The following SLC12A2 variants were observed in gnomAD, a reference collection of about 807,000 sequenced individuals.
The protein encoded by SLC12A2 is Na-K-2Cl cotransporter 1.
A neutral mutation model predicts 136.3 loss-of-function variants in SLC12A2; 67 were observed. The observed-to-expected ratio is 0.49, with a 90% confidence interval of 0.40 to 0.60. The LOEUF is 0.60. Among genes scored for constraint, SLC12A2 ranks in the 20% least tolerant of loss-of-function variants. The probability of loss-of-function intolerance (pLI) is 0.00; values close to 1 mark genes in which losing one functional copy is unlikely to be tolerated. For missense variants in SLC12A2, 1,322 were observed against 1,534.7 expected (o/e 0.86, Z 2.32); for synonymous variants, 619 against 562.9 (o/e 1.10, Z -1.41).
At chr5:128,159,207 A>G (rs1303137916) in intron 16 of SLC12A2, among the ~76,000 whole-genome samples, 2 of 151,882 alleles carry the variant, frequency 1.3e-5, no homozygotes, top group South Asian at 2.1e-4. Context: ...TATTTTTCTC[A>G]CTAATATGTC....
chr5:128,167,915 AT>A, intron 18 of SLC12A2, 48 bp downstream of exon 18: 1 of 1,149,440 alleles, frequency 8.7e-7, no homozygotes, highest in Non-Finnish European at 1.2e-6. Context: ...GAAAATGTTA[AT>A]TTTGAAAGCT....
chr5:128,131,537 CAAAA>C (rs33967323), intron 5 of SLC12A2, among the ~76,000 whole-genome samples: 2 of 136,022 alleles, frequency 1.5e-5, no homozygotes, highest in South Asian at 2.4e-4. Context: ...ACTACAAATA[CAAAA>C]AAAAAAAAAA....
At chr5:128,086,772 A>G (rs1313736162) in intron 1 of SLC12A2, among the ~76,000 whole-genome samples, 1 of 152,176 alleles carries the variant, frequency 6.6e-6, no homozygotes, top group African/African-American at 2.4e-5. Context: ...AAATATGACT[A>G]TACATCACTG....
At chr5:128,156,179 C>G (rs1288275950) in intron 15 of SLC12A2, among the ~76,000 whole-genome samples, 1 of 152,094 alleles carries the variant, frequency 6.6e-6, no homozygotes, top group Admixed American at 6.6e-5. Flanking sequence ...CCTACTGTTC[C>G]TAACTCCTAG....
intron 1 of SLC12A2, chr5:128,109,564 T>A: frequency 2.8e-6 from 2 of 702,030 alleles, no homozygotes; most frequent in Non-Finnish European, 5.3e-6. Context: ...GGCAGCTGAG[T>A]CCGGAGAAGA....
intron 1 of SLC12A2, among the ~76,000 whole-genome samples, chr5:128,085,431 C>T (rs960908410): frequency 2.0e-5 from 3 of 152,036 alleles, no homozygotes; most frequent in Non-Finnish European, 1.5e-5. Flanking sequence ...CCAGAAAGAC[C>T]TGTGGGGTCT....
At chr5:128,170,921 C>A (rs1763353328) in intron 18 of SLC12A2, 1 of 152,042 alleles carries the variant, frequency 6.6e-6, no homozygotes, top group East Asian at 1.9e-4. Context: ...TGTGGTGAAA[C>A]CCTGTCTCTA....
intron 1 of SLC12A2, among the ~76,000 whole-genome samples, chr5:128,103,417 C>G (rs1056916094): frequency 1.3e-5 from 2 of 152,174 alleles, no homozygotes; most frequent in Non-Finnish European, 2.9e-5. Context: ...ACTCATTTTG[C>G]TCTACTATTT....
At chr5:128,100,681 C>A (rs1760711727) in intron 1 of SLC12A2, among the ~76,000 whole-genome samples, 2 of 151,998 alleles carry the variant, frequency 1.3e-5, no homozygotes, top group Non-Finnish European at 2.9e-5. Context: ...ACTGCTTTTC[C>A]AGTGTTTTAC....
At chr5:128,110,062 C>A in intron 1 of SLC12A2, 1 of 985,196 alleles carries the variant, frequency 1.0e-6, no homozygotes, top group African/African-American at 1.5e-5. Flanking sequence ...TGTCACTACA[C>A]CTTAAAAGAT....
chr5:128,146,902 T>C (rs1246612348), intron 10 of SLC12A2, among the ~76,000 whole-genome samples: 2 of 151,570 alleles, frequency 1.3e-5, no homozygotes, highest in Non-Finnish European at 3.0e-5. Flanking sequence ...ATAGAACCAG[T>C]TTACTAGAAT....
rs931860442 is a variant in SLC12A2, at chr5:128,188,756, T to G, written c.*2125T>G. The G allele has an allele frequency of 3.3e-5, 5 of 151,058 alleles. No homozygotes were observed. The highest frequency in any genetic ancestry group is 9.8e-5 in the African/African-American group (4 of 40,700). 9.4% of individuals were successfully genotyped at this position (151,058 alleles called of 1,614,324 possible). A position where few individuals can be genotyped will look rare whatever the true frequency, so the allele number is the denominator to read the frequency against. ...TTCTAAAAAAAAAAAAAAAAAAAAT[T>G]TCTACATTATAACTCACAGCATTGT... On this transcript the variant is annotated 3_prime_UTR_variant, in exon 27 of 27. Coordinates refer to ENST00000262461, the MANE Select transcript of SLC12A2 (RefSeq NM_001046.3).
intron 9 of SLC12A2, among the ~76,000 whole-genome samples, chr5:128,141,567 A>G (rs1367495211): frequency 1.3e-5 from 2 of 152,194 alleles, no homozygotes; most frequent in Non-Finnish European, 2.9e-5. Context: ...ACCATTTTCC[A>G]CAACTCTTTA....
At position 128,184,422 on chromosome 5, in the gene SLC12A2, A is replaced by T. The variant is rs1191622861; in HGVS notation, c.3356A>T (p.Glu1119Val). Residue 1119 changes from glutamate to valine, a missense_variant, in exon 25 of 27, where the codon GAG becomes GTG. This residue lies in a region of SLC12A2 where 172 missense variants were observed against 227.4 expected (regional missense o/e 0.76). Coordinates refer to ENST00000262461, the MANE Select transcript of SLC12A2 (RefSeq NM_001046.3). ...TACAGACTTCATGAAGATGATAAAGAGCAAGATATTGCAGATAAAATGAAA... is the reference window on the plus strand; with the variant it reads ...TACAGACTTCATGAAGATGATAAAGTGCAAGATATTGCAGATAAAATGAAA... Reference protein sequence around the residue: ...EPYRLHEDDKEQDIADKMKED... With the variant: ...EPYRLHEDDKVQDIADKMKED... 6.2e-7 allele frequency: 1 copy of T among 1,603,622 alleles called. No homozygotes were observed. The highest frequency in any genetic ancestry group is 8.5e-7 in the Non-Finnish European group (1 of 1,173,010).
In SLC12A2 at chr5:128,186,751, A is replaced by G. The variant is rs772084152; in HGVS notation, c.*120A>G. ...ATGGTGACTTTTCTTTCACGATTTCATTAATTTGAAAGCACACAGGAAAGT... is the reference window on the plus strand; with the variant it reads ...ATGGTGACTTTTCTTTCACGATTTCGTTAATTTGAAAGCACACAGGAAAGT... On this transcript the variant is annotated 3_prime_UTR_variant, in exon 27 of 27. Transcript: ENST00000262461. 123 of 1,108,618 alleles carry G rather than the reference A, an allele frequency of 1.1e-4. No individual in the cohort carries two copies. Among genetic ancestry groups the G allele is most frequent in the Non-Finnish European group, 1.4e-4 (105 of 771,668 alleles). 68.7% of individuals were successfully genotyped at this position (1,108,618 alleles called of 1,614,324 possible).
rs935628467 is a variant in SLC12A2 at position 128,161,676 on chromosome 5, C to T, written c.2492C>T (p.Ala831Val). 9 of 1,446,232 alleles carry T rather than the reference C, an allele frequency of 6.2e-6. No individual in the cohort carries two copies. The highest frequency in any genetic ancestry group is 8.2e-6 in the Non-Finnish European group (9 of 1,100,266). The allele number at this position is 1,446,232 out of a possible 1,614,324, so 89.6% of individuals were successfully genotyped here. ...GHVHMGPRRQ[A>V]MKEMSIDQAK... ...TATTCAAAGGGTCCTCGAAGACAAG[C>T]CATGAAAGAGATGTCCATCGATCAA... is the stretch of plus-strand genomic sequence containing the variant. Residue 831 changes from alanine (A) to valine (V), a missense_variant, in exon 17 of 27, where the codon GCC becomes GTC. By Grantham distance (64) the Ala-to-Val change is moderately conservative. Coordinates refer to ENST00000262461, the MANE Select transcript of SLC12A2 (RefSeq NM_001046.3).
chr5:128,174,555 T>C lies in SLC12A2; in HGVS notation c.2818T>C (p.Ser940Pro). The change falls in exon 20 of 27, where the codon TCA becomes CCA. Residue 940 changes from serine (S) to proline (P), a missense_variant. Around this residue, in one of 8 missense-constraint regions of SLC12A2, gnomAD observed 226 missense variants for 210.4 expected, o/e 1.07. Coordinates refer to ENST00000262461, the MANE Select transcript of SLC12A2 (RefSeq NM_001046.3). ...TCTGTCTACAGAAGAATTATTGTCA[T>C]CACAAGAGAAATCTCCTGGCACCAA... The part of the protein sequence containing the change: ...HLQGQEELLS[S>P]QEKSPGTKDV... 6.2e-7 allele frequency: 1 copy of C among 1,605,396 alleles called. No individual in the cohort carries two copies.
chr5:128,092,358 G>A (rs1581049386), intron 1 of SLC12A2, among the ~76,000 whole-genome samples: 1 of 152,120 alleles, frequency 6.6e-6, no homozygotes, highest in South Asian at 2.1e-4. Context: ...CAAGAATTGG[G>A]CTATAGGGCT....
intron 1 of SLC12A2, among the ~76,000 whole-genome samples, chr5:128,105,335 C>T (rs1318528093): frequency 6.6e-6 from 1 of 152,036 alleles, no homozygotes; most frequent in African/African-American, 2.4e-5. Flanking sequence ...ACGGGATGAG[C>T]AAGGGAGGGG....
Sources: allele counts gnomAD v4.1 joint callset (sites outside exome capture counted in the v4.1 genomes callset), GRCh38; gene constraint gnomAD v4.1.1; regional missense constraint gnomAD v4.1.1; transcripts MANE v1.5; gene names NCBI Gene and HGNC (gene_info 2026-07-23, HGNC 2026-07-21).